SUCLG2: variants seen among roughly 807,000 people sequenced by gnomAD.
SUCLG2 encodes succinate-CoA ligase GDP-forming subunit beta.
Under a neutral mutation model 47.9 loss-of-function variants are expected in SUCLG2, and 42 were observed. The observed-to-expected ratio is 0.88, with a 90% CI of 0.69 to 1.14. The LOEUF (loss-of-function observed/expected upper bound fraction) is 1.14, where lower values mean the gene tolerates loss of function less well. Ranked by LOEUF, SUCLG2 falls within the 50% of genes most tolerant of loss-of-function variation. The pLI, the probability that SUCLG2 is intolerant of heterozygous loss-of-function variation, is 0.00. For missense variants in SUCLG2, 571 were observed against 525.9 expected (o/e 1.09, Z -0.84); for synonymous variants, 195 against 197.3 (o/e 0.99, Z 0.10).
chr3:67,369,111 C>T (rs2106747149), intron 10 of SUCLG2, among the ~76,000 whole-genome samples: 1 of 152,116 alleles, frequency 6.6e-6, no homozygotes, highest in Admixed American at 6.6e-5. Context: ...ATATTGTTTT[C>T]CTCCTTCTCC....
At chr3:67,624,491 C>A (rs531155832) in intron 1 of SUCLG2, among the ~76,000 whole-genome samples, 1 of 151,280 alleles carries the variant, frequency 6.6e-6, no homozygotes, top group Admixed American at 6.6e-5. Flanking sequence ...CTTTCTTTCA[C>A]AATTTCATTG....
chr3:67,631,969 G>A (rs1360507608), intron 1 of SUCLG2, among the ~76,000 whole-genome samples: 1 of 152,226 alleles, frequency 6.6e-6, no homozygotes, highest in Non-Finnish European at 1.5e-5. Flanking sequence ...AATGGTTCCT[G>A]TGACAACAAA....
At chr3:67,389,909 C>T (rs1382694049) in intron 10 of SUCLG2, among the ~76,000 whole-genome samples, 1 of 152,216 alleles carries the variant, frequency 6.6e-6, no homozygotes, top group Non-Finnish European at 1.5e-5. Flanking sequence ...CCACAACACA[C>T]ACCATTGTCT....
chr3:67,491,710 T>C (rs932381641), intron 9 of SUCLG2, among the ~76,000 whole-genome samples: 6 of 152,348 alleles, frequency 3.9e-5, no homozygotes, highest in Admixed American at 2.6e-4. Context: ...CACTTTGTAA[T>C]AATTCATCAA....
chr3:67,497,994 T>C lies in SUCLG2; in HGVS notation c.919+140A>G, dbSNP rs1332592384. 3 of 849,688 alleles carry C rather than the reference T, an allele frequency of 3.5e-6. No individual in the cohort carries two copies. In the Admixed American group the frequency reaches 8.5e-5, roughly 24 times the overall value. 52.6% of individuals were successfully genotyped at this position (849,688 alleles called of 1,614,324 possible). ...AATCAAAACAACTTTGAGAAGAAAC[T>C]TGGATACTTTCCTAAGACTTTTCAG... is the stretch of plus-strand genomic sequence containing the variant. On this transcript the variant is annotated intron_variant, in intron 8 of 10. Transcript: ENST00000307227.
chr3:67,435,600 A>T (rs1703599364), intron 9 of SUCLG2, among the ~76,000 whole-genome samples: 1 of 152,192 alleles, frequency 6.6e-6, no homozygotes, highest in African/African-American at 2.4e-5. Context: ...AAGAATACAC[A>T]TTATCTAAGC....
chr3:67,384,206 C>T (rs1236440549), intron 10 of SUCLG2, among the ~76,000 whole-genome samples: 1 of 152,144 alleles, frequency 6.6e-6, no homozygotes, highest in Non-Finnish European at 1.5e-5. Context: ...ATTCTCAGAG[C>T]TTAATATTGC....
At chr3:67,409,153 G>T in intron 9 of SUCLG2, 1 of 1,185,692 alleles carries the variant, frequency 8.4e-7, no homozygotes, top group Non-Finnish European at 1.2e-6. Flanking sequence ...CAGAGCTCAT[G>T]GTTTTGGCAT....
In SUCLG2 at chr3:67,443,507, C is replaced by T. The variant is rs1463996827; in HGVS notation, c.1063-42656G>A. 9.7e-5 allele frequency among the ~76,000 whole-genome samples: 7 copies of T among 72,434 alleles called. 3 individuals carry two copies. The highest frequency in any genetic ancestry group is 2.5e-4 in the African/African-American group (5 of 20,336). The allele number at this position is 72,434 out of a possible 152,430, so 47.5% of individuals were successfully genotyped here. A position where few individuals can be genotyped will look rare whatever the true frequency, so the allele number is the denominator to read the frequency against. On this transcript the variant is annotated intron_variant, in intron 9 of 10. Transcript: ENST00000307227. Reference sequence around the variant, plus strand: ...GAAGTGAGGAGTGTCTGTGCCTGGCCGCCCATCGTCTGGGATGTGAGGAGC... The same window carrying T: ...GAAGTGAGGAGTGTCTGTGCCTGGCTGCCCATCGTCTGGGATGTGAGGAGC...
intron 10 of SUCLG2, among the ~76,000 whole-genome samples, chr3:67,390,504 T>C (rs1448279296): frequency 6.6e-6 from 1 of 152,186 alleles, no homozygotes; most frequent in Non-Finnish European, 1.5e-5. Flanking sequence ...ACTTGCCTTA[T>C]CAGAACAGAA....
chr3:67,434,282 T>C lies in SUCLG2; in HGVS notation c.1063-33431A>G, dbSNP rs75522528. 6.5e-3 allele frequency among the ~76,000 whole-genome samples: 997 copies of C among 152,286 alleles called. 12 individuals carry two copies. The highest frequency in any genetic ancestry group is 0.022 in the African/African-American group (928 of 41,560). On this transcript the variant is annotated intron_variant, in intron 9 of 10. Coordinates refer to ENST00000307227, the MANE Select transcript of SUCLG2 (RefSeq NM_003848.4). ...GGCTCACGTCCGTTATCCCAGCACT[T>C]CGTGAGGCCAAGGCGAGAGGATCTC...
At chr3:67,365,170 A>C (rs909126380) in intron 10 of SUCLG2, among the ~76,000 whole-genome samples, 1 of 152,192 alleles carries the variant, frequency 6.6e-6, no homozygotes, top group Non-Finnish European at 1.5e-5. Context: ...TGGGATTATA[A>C]CAGAAGAGCT....
At chr3:67,617,226 G>C (rs1007577844) in intron 1 of SUCLG2, among the ~76,000 whole-genome samples, 3 of 152,084 alleles carry the variant, frequency 2.0e-5, no homozygotes, top group African/African-American at 7.2e-5. Flanking sequence ...TGTGCCATCC[G>C]GTAAAAGAGA....
chr3:67,427,109 T>C (rs1251674950), intron 9 of SUCLG2, among the ~76,000 whole-genome samples: 1 of 152,214 alleles, frequency 6.6e-6, no homozygotes, highest in Non-Finnish European at 1.5e-5. Context: ...TTTTGCTGAA[T>C]GAAACTGATT....
At chr3:67,391,028 C>G (rs1177575562) in intron 10 of SUCLG2, among the ~76,000 whole-genome samples, 1 of 152,198 alleles carries the variant, frequency 6.6e-6, no homozygotes, top group Non-Finnish European at 1.5e-5. Context: ...AATTTGTAGA[C>G]TGGATACCGT....
chr3:67,609,320 TGCAG>T, intron 2 of SUCLG2, 131 bp downstream of exon 2: 2 of 1,003,436 alleles, frequency 2.0e-6, no homozygotes, highest in Non-Finnish European at 1.4e-6. Flanking sequence ...TTTTTGCTTT[TGCAG>T]TTCTAAGCTC....
intron 10 of SUCLG2, among the ~76,000 whole-genome samples, chr3:67,369,399 T>C (rs1392862521): frequency 6.6e-6 from 1 of 152,190 alleles, no homozygotes; most frequent in Non-Finnish European, 1.5e-5. Context: ...TTCTTGGTCA[T>C]GATGAACACA....
At chr3:67,360,618 A>G in exon 11 of SUCLG2, 1 of 1,494,774 alleles carries the variant, frequency 6.7e-7, no homozygotes, top group Non-Finnish European at 8.9e-7. Context: ...GTATCTTAGC[A>G]AAGTAAATCT....
At chr3:67,635,533 GGGCC>G (rs1365442263) in intron 1 of SUCLG2, among the ~76,000 whole-genome samples, 34 of 152,252 alleles carry the variant, frequency 2.2e-4, no homozygotes, top group African/African-American at 7.7e-4. Context: ...TACTTTAGCT[GGGCC>G]ACTTACAGTC....
Sources: allele counts gnomAD v4.1 joint callset (sites outside exome capture counted in the v4.1 genomes callset), GRCh38; gene constraint gnomAD v4.1.1; transcripts MANE v1.5; gene names NCBI Gene and HGNC (gene_info 2026-07-23, HGNC 2026-07-21).